The following AUTS2 variants were observed in gnomAD, a reference collection of about 807,000 sequenced individuals.
AUTS2 encodes autism susceptibility gene 2 protein.
AUTS2 carries 17 observed loss-of-function variants against 112.4 expected under a neutral mutation model. The observed-to-expected ratio is 0.15, with a 90% CI of 0.10 to 0.23. The LOEUF (loss-of-function observed/expected upper bound fraction) is 0.23, where lower values mean the gene tolerates loss of function less well. Ranked by LOEUF, AUTS2 falls within the 10% of genes least tolerant of loss-of-function variation. AUTS2 has a pLI of 1.00. For synonymous variants in AUTS2, 751 were observed against 702.7 expected, an observed-to-expected ratio of 1.07 and a Z score of -1.09; for missense variants, 1,510 against 1,701.6, an observed-to-expected ratio of 0.89 and a Z score of 1.98.
chr7:70,633,118 C>T lies in AUTS2; in HGVS notation c.691-65451C>T, dbSNP rs558512806. 2.5e-4 allele frequency among the ~76,000 whole-genome samples: 38 copies of T among 152,238 alleles called. No homozygotes were observed. The South Asian group carries it at 6.8e-3, about 27-fold the overall frequency. On this transcript the variant is annotated intron_variant, in intron 5 of 18. Coordinates refer to ENST00000342771, the MANE Select transcript of AUTS2 (RefSeq NM_015570.4). ...GACTGTCCGGGGGCCTTTTCAGGGT[C>T]GCTTGGTGAAACACACCCTATATGA... is the stretch of plus-strand genomic sequence containing the variant.
intron 2 of AUTS2, among the ~76,000 whole-genome samples, chr7:69,899,836 A>T (rs1429741980): frequency 6.6e-6 from 1 of 152,222 alleles, no homozygotes; most frequent in Non-Finnish European, 1.5e-5. Context: ...ATTAGGATAA[A>T]TGGAACAGGT....
At chr7:70,185,587 T>C (rs550206075) in intron 4 of AUTS2, among the ~76,000 whole-genome samples, 2 of 152,338 alleles carry the variant, frequency 1.3e-5, no homozygotes, top group African/African-American at 4.8e-5. Flanking sequence ...GAAGAGCTAA[T>C]ATGTGGTCAC....
intron 4 of AUTS2, among the ~76,000 whole-genome samples, chr7:70,217,498 C>T (rs1414898464): frequency 6.6e-6 from 1 of 152,152 alleles, no homozygotes; most frequent in Non-Finnish European, 1.5e-5. Flanking sequence ...CTAGTTCATT[C>T]TAGTTGTGCT....
At chr7:69,610,742 T>A (rs1792987887) in intron 1 of AUTS2, among the ~76,000 whole-genome samples, 1 of 152,218 alleles carries the variant, frequency 6.6e-6, no homozygotes, top group Admixed American at 6.5e-5. Context: ...GGCTCCCAGC[T>A]ATGAATATGG....
intron 1 of AUTS2, among the ~76,000 whole-genome samples, chr7:69,813,272 C>T (rs1161323263): frequency 6.6e-6 from 1 of 152,200 alleles, no homozygotes; most frequent in East Asian, 1.9e-4. Context: ...TTCCTTCAGG[C>T]CCCTGAGTGT....
chr7:69,685,174 C>G (rs1278311656), intron 1 of AUTS2, among the ~76,000 whole-genome samples: 3 of 152,200 alleles, frequency 2.0e-5, no homozygotes, highest in African/African-American at 7.2e-5. Context: ...CTACATTGCT[C>G]AAGCCACAGT....
intron 2 of AUTS2, among the ~76,000 whole-genome samples, chr7:70,107,447 A>G (rs915054600): frequency 3.4e-5 from 5 of 147,752 alleles, no homozygotes; most frequent in African/African-American, 1.3e-4. Context: ...AGGTTCAGGC[A>G]ATTCTCCTGC....
chr7:70,722,268 TA>T (rs928352257), intron 6 of AUTS2, among the ~76,000 whole-genome samples: 15 of 150,432 alleles, frequency 1.0e-4, no homozygotes, highest in South Asian at 6.4e-4. Context: ...ATTTTTTAAT[TA>T]AAAAAAAATT....
intron 2 of AUTS2, among the ~76,000 whole-genome samples, chr7:70,012,327 A>C (rs1382691162): frequency 6.6e-6 from 1 of 152,154 alleles, no homozygotes; most frequent in African/African-American, 2.4e-5. Flanking sequence ...TTTGTGGTTC[A>C]TATTTTTAGC....
chr7:69,711,921 A>G (rs1293074488), intron 1 of AUTS2, among the ~76,000 whole-genome samples: 3 of 152,200 alleles, frequency 2.0e-5, no homozygotes, highest in Admixed American at 6.5e-5. Flanking sequence ...AGTTGTAACA[A>G]TAAGATAAGA....
chr7:70,550,644 A>G (rs961122268), intron 5 of AUTS2, among the ~76,000 whole-genome samples: 1 of 152,196 alleles, frequency 6.6e-6, no homozygotes, highest in Non-Finnish European at 1.5e-5. Flanking sequence ...CAGATAAACT[A>G]GGGAGGAGGC....
intron 4 of AUTS2, among the ~76,000 whole-genome samples, chr7:70,336,399 G>T (rs1790991426): frequency 6.6e-6 from 1 of 152,032 alleles, no homozygotes; most frequent in Non-Finnish European, 1.5e-5. Context: ...GATTATTTCA[G>T]AATTTATATT....
At chr7:70,374,229 T>C (rs1304660996) in intron 4 of AUTS2, among the ~76,000 whole-genome samples, 1 of 152,182 alleles carries the variant, frequency 6.6e-6, no homozygotes, top group African/African-American at 2.4e-5. Flanking sequence ...ATAAAGCACA[T>C]TTTAAATTAA....
At chr7:69,604,488 T>C (rs549361989) in intron 1 of AUTS2, among the ~76,000 whole-genome samples, 21 of 152,322 alleles carry the variant, frequency 1.4e-4, no homozygotes, top group African/African-American at 5.1e-4. Context: ...ATGCCTGATA[T>C]CAACTAAGCG....
At chr7:70,141,268 A>G (rs1238701296) in intron 4 of AUTS2, among the ~76,000 whole-genome samples, 1 of 152,122 alleles carries the variant, frequency 6.6e-6, no homozygotes, top group African/African-American at 2.4e-5. Context: ...GGAATGTGGG[A>G]TAAAGCCAGG....
At chr7:69,974,392 C>G (rs939007822) in intron 2 of AUTS2, among the ~76,000 whole-genome samples, 21 of 150,130 alleles carry the variant, frequency 1.4e-4, no homozygotes, top group African/African-American at 4.2e-4. Context: ...TGATTTTTCT[C>G]TCTTGTTTTC....
chr7:69,773,685 C>T (rs542226784), intron 1 of AUTS2, among the ~76,000 whole-genome samples: 3 of 152,152 alleles, frequency 2.0e-5, no homozygotes, highest in South Asian at 4.1e-4. Context: ...TTCAGTTCCT[C>T]TGCCAGGTGG....
intron 4 of AUTS2, among the ~76,000 whole-genome samples, chr7:70,382,862 C>T (rs898379632): frequency 6.6e-6 from 1 of 152,142 alleles, no homozygotes; most frequent in Non-Finnish European, 1.5e-5. Flanking sequence ...TAAAATGACA[C>T]ATCCTTATTG....
At chr7:70,087,805 A>C (rs1803690072) in intron 2 of AUTS2, among the ~76,000 whole-genome samples, 1 of 151,980 alleles carries the variant, frequency 6.6e-6, no homozygotes. Context: ...TGTTTCCTTA[A>C]ATGTTTGGTA....
Sources: gnomAD v4.1 joint callset for allele counts (sites outside exome capture counted in the v4.1 genomes callset) on GRCh38, gnomAD v4.1.1 for gene constraint, MANE v1.5 for transcripts, NCBI Gene and HGNC (gene_info 2026-07-23, HGNC 2026-07-21) for gene names.